Variants in LEF1 observed in about 807,000 individuals in gnomAD.
LEF1 encodes the protein lymphoid enhancer binding factor 1.
A neutral mutation model predicts 51.2 loss-of-function variants in LEF1; 14 were observed. The observed-to-expected ratio is 0.27, with a 90% CI of 0.18 to 0.43. The LOEUF (loss-of-function observed/expected upper bound fraction) is 0.43, where lower values mean the gene tolerates loss of function less well. Among genes scored for constraint, LEF1 ranks in the 20% least tolerant of loss-of-function variants. The pLI is 1.00. For synonymous variants in LEF1, 185 were observed against 183.2 expected, an observed-to-expected ratio of 1.01 and a Z score of -0.08; for missense variants, 386 against 512.0, an observed-to-expected ratio of 0.75 and a Z score of 2.37.
chr4:108,129,810 C>G (rs1027152665), intron 3 of LEF1, among the ~76,000 whole-genome samples: 7 of 152,114 alleles, frequency 4.6e-5, no homozygotes, highest in South Asian at 2.1e-4. Flanking sequence ...AAATCCTAGG[C>G]ACAAAAAATG....
At chr4:108,100,459 G>C (rs1740747487) in intron 3 of LEF1, among the ~76,000 whole-genome samples, 1 of 152,142 alleles carries the variant, frequency 6.6e-6, no homozygotes, top group Non-Finnish European at 1.5e-5. Context: ...TAAAATCAAA[G>C]ATAAACTCCA....
At chr4:108,142,292 G>A (rs1250542589) in intron 3 of LEF1, among the ~76,000 whole-genome samples, 3 of 152,180 alleles carry the variant, frequency 2.0e-5, no homozygotes, top group Admixed American at 6.5e-5. Context: ...TTGGGAAGTT[G>A]TAAATGCATG....
intron 5 of LEF1, 30 bp downstream of exon 5, chr4:108,083,326 C>G (rs763052179): frequency 7.0e-7 from 1 of 1,438,226 alleles, no homozygotes. Context: ...TGTTCAAATG[C>G]CTGGCTGAAG....
At chr4:108,142,063 T>C (rs1050394542) in intron 3 of LEF1, among the ~76,000 whole-genome samples, 2 of 152,194 alleles carry the variant, frequency 1.3e-5, no homozygotes, top group Non-Finnish European at 2.9e-5. Flanking sequence ...ACACACTTTT[T>C]CAAGCCTAAA....
At chr4:108,161,191 C>T (rs145634472) in intron 3 of LEF1, among the ~76,000 whole-genome samples, 357 of 152,072 alleles carry the variant, frequency 2.3e-3, no homozygotes, top group African/African-American at 8.1e-3. Context: ...TTTTGATCTC[C>T]GACACATTAA....
At chr4:108,094,155 T>C (rs887338724) in intron 3 of LEF1, among the ~76,000 whole-genome samples, 1 of 152,212 alleles carries the variant, frequency 6.6e-6, no homozygotes, top group Non-Finnish European at 1.5e-5. Flanking sequence ...GAGGTGACCA[T>C]TTGGGCCACA....
At chr4:108,092,113 A>C (rs1040719023) in intron 3 of LEF1, among the ~76,000 whole-genome samples, 1 of 152,150 alleles carries the variant, frequency 6.6e-6, no homozygotes, top group South Asian at 2.1e-4. Context: ...TGGTGCCATG[A>C]ATTTTTGCTA....
chr4:108,167,838 C>G lies in LEF1; in HGVS notation c.-71G>C. 3.7e-6 allele frequency: 5 copies of G among 1,359,942 alleles called. No homozygotes were observed. Among genetic ancestry groups the G allele is most frequent in the Non-Finnish European group, 5.1e-6 (5 of 973,706 alleles). The allele number at this position is 1,359,942 out of a possible 1,614,324, so 84.2% of individuals were successfully genotyped here. On this transcript the variant is annotated 5_prime_UTR_variant, in exon 1 of 12. Transcript: ENST00000265165. The surrounding 1 kb of genome is among the most constrained non-coding windows in gnomAD (Gnocchi z 5.7). The stretch of plus-strand genomic sequence containing the variant: ...AACAGCAGGAAAGACAGAGGGGTAA[C>G]TCAAGGGTGGGGGAGGAAAGGAGAG...
chr4:108,124,303 G>GCA (rs1578370982), intron 3 of LEF1, among the ~76,000 whole-genome samples: 1 of 151,982 alleles, frequency 6.6e-6, no homozygotes, highest in Non-Finnish European at 1.5e-5. Flanking sequence ...AATACAGAAT[G>GCA]CACATTATAT....
At chr4:108,084,394 C>T (rs146726262) in intron 4 of LEF1, among the ~76,000 whole-genome samples, 15 of 152,254 alleles carry the variant, frequency 9.9e-5, no homozygotes, top group Middle Eastern at 3.4e-3. Flanking sequence ...CCAGATTATA[C>T]GTTTAGTGAC....
At chr4:108,117,207 T>C (rs1171567184) in intron 3 of LEF1, among the ~76,000 whole-genome samples, 1 of 152,208 alleles carries the variant, frequency 6.6e-6, no homozygotes, top group Non-Finnish European at 1.5e-5. Flanking sequence ...GATAAATTTC[T>C]TCCTAATTTT....
intron 3 of LEF1, among the ~76,000 whole-genome samples, chr4:108,099,671 T>C (rs566216255): frequency 2.4e-4 from 35 of 146,648 alleles, no homozygotes; most frequent in Middle Eastern, 3.6e-3. Context: ...GTTTGTTACA[T>C]AGGTATACAC....
At chr4:108,118,428 C>A (rs1460405) in intron 3 of LEF1, among the ~76,000 whole-genome samples, 1 of 152,100 alleles carries the variant, frequency 6.6e-6, no homozygotes, top group Non-Finnish European at 1.5e-5. Flanking sequence ...AGGCTTAATG[C>A]GAACTGTGAA....
At chr4:108,154,850 A>C (rs1744592622) in intron 3 of LEF1, among the ~76,000 whole-genome samples, 1 of 152,162 alleles carries the variant, frequency 6.6e-6, no homozygotes, top group Non-Finnish European at 1.5e-5. Flanking sequence ...CCAATATATA[A>C]ATATTTAACA....
At chr4:108,077,342 T>G (rs75311724) in intron 8 of LEF1, among the ~76,000 whole-genome samples, 1 of 148,854 alleles carries the variant, frequency 6.7e-6, no homozygotes, top group South Asian at 2.1e-4. Flanking sequence ...AACTGACTGG[T>G]AAGAGAGAAG....
intron 3 of LEF1, among the ~76,000 whole-genome samples, chr4:108,140,052 A>C (rs1020962478): frequency 1.3e-5 from 2 of 152,048 alleles, no homozygotes; most frequent in Admixed American, 1.3e-4. Flanking sequence ...CTCAGCTTTC[A>C]ATAAACATAA....
chr4:108,098,930 A>G (rs1388208873), intron 3 of LEF1, among the ~76,000 whole-genome samples: 2 of 152,238 alleles, frequency 1.3e-5, no homozygotes, highest in Non-Finnish European at 2.9e-5. Flanking sequence ...ACACTGTAAG[A>G]TCAGCATTAA....
At chr4:108,091,617 C>G in intron 3 of LEF1, among the ~76,000 whole-genome samples, 1 of 151,994 alleles carries the variant, frequency 6.6e-6, no homozygotes, top group Non-Finnish European at 1.5e-5. Context: ...ATCATAGCCA[C>G]ACAATTTTTC....
At chr4:108,082,108 T>C (rs1739346131) in intron 5 of LEF1, among the ~76,000 whole-genome samples, 1 of 152,200 alleles carries the variant, frequency 6.6e-6, no homozygotes, top group Admixed American at 6.5e-5. Context: ...TGTATATTCA[T>C]ATAAAAATAA....
Sources: gnomAD v4.1 joint callset for allele counts (sites outside exome capture counted in the v4.1 genomes callset) on GRCh38, gnomAD v4.1.1 for gene constraint, Gnocchi (gnomAD v3.1) non-coding constraint, MANE v1.5 for transcripts, NCBI Gene and HGNC (gene_info 2026-07-23, HGNC 2026-07-21) for gene names.